JADE3: variants seen among roughly 807,000 people sequenced by gnomAD.
JADE3 encodes jade family PHD finger 3.
In JADE3, 2 loss-of-function variants were observed where a neutral mutation model predicts 50.1. That is an observed-to-expected ratio of 0.04 (90% CI 0.02 to 0.13). JADE3 has a LOEUF of 0.13. Among genes scored for constraint, JADE3 ranks in the 10% least tolerant of loss-of-function variants. JADE3 has a pLI of 1.00. For missense variants in JADE3, 475 were observed against 634.4 expected (o/e 0.75, Z 2.70); for synonymous variants, 218 against 232.9 (o/e 0.94, Z 0.58).
chrX:46,944,728 G>A (rs1234115946), intron 1 of JADE3, among the ~76,000 whole-genome samples: 1 of 111,363 alleles, frequency 9.0e-6, no homozygotes, highest in African/African-American at 3.3e-5. Flanking sequence ...TAAATGTTCT[G>A]TACACATTAA....
chrX:46,969,942 C>T (rs373390297), intron 1 of JADE3, among the ~76,000 whole-genome samples: 3 of 111,710 alleles, frequency 2.7e-5, no homozygotes, highest in Non-Finnish European at 5.6e-5. Flanking sequence ...ATCTAAGCTC[C>T]CACTTTAACT....
chrX:46,940,629 A>G (rs1006456581), intron 1 of JADE3, among the ~76,000 whole-genome samples: 7 of 109,980 alleles, frequency 6.4e-5, no homozygotes, highest in Non-Finnish European at 7.6e-5. Context: ...GGAAAGCCCA[A>G]CTCTTACCAG....
rs187731657 is a variant in JADE3 at position 46,974,337 on chromosome X, G to A, written c.-11-10547G>A. ...GGAGAATTGCTTGAACCTGGGAGGC[G>A]GAGGTTGCAGTGAGCCAAGATCGCG... On this transcript the variant is annotated intron_variant, in intron 1 of 10. Transcript: ENST00000614628. Among the ~76,000 whole-genome samples the A allele has an allele frequency of 4.0e-3, 439 of 110,877 alleles. 1 individual carries two copies. The highest frequency in any genetic ancestry group is 0.024 in the South Asian group (63 of 2,597).
At chrX:46,932,203 A>G (rs1187094288) in intron 1 of JADE3, among the ~76,000 whole-genome samples, 4 of 112,123 alleles carry the variant, frequency 3.6e-5, no homozygotes, top group African/African-American at 1.3e-4. Flanking sequence ...GTACTGGAGC[A>G]TTGGCTGACG....
intron 6 of JADE3, among the ~76,000 whole-genome samples, chrX:47,028,888 A>G (rs1046767300): frequency 1.2e-4 from 13 of 111,330 alleles, no homozygotes; most frequent in East Asian, 2.8e-4. Context: ...GCCTCCTCCT[A>G]TGTCCCAGCT....
At position 47,027,955 on chromosome X, in the gene JADE3, A is replaced by G. The variant is rs1556365903; in HGVS notation, c.539A>G (p.His180Arg). 8.3e-7 allele frequency: 1 copy of G among 1,210,085 alleles called. No individual in the cohort carries two copies. The highest frequency in any genetic ancestry group is 1.1e-6 in the Non-Finnish European group (1 of 894,169). Residue 180 changes from histidine to arginine, a missense_variant, in exon 6 of 11, where the codon CAT (histidine) becomes CGT (arginine). His to Arg is a conservative substitution (Grantham distance 29). This residue lies in a region of JADE3 where 54 missense variants were observed against 156.2 expected (regional missense o/e 0.35). Coordinates refer to ENST00000614628, the MANE Select transcript of JADE3 (RefSeq NM_014735.5). The stretch of plus-strand genomic sequence containing the variant: ...GTAGAAGTCCTGGAACGCCATTGCC[A>G]TGAAAATATGAACCATGCTATTGAG... Reference protein sequence around the residue: ...KTVEVLERHCHENMNHAIETE... With the variant: ...KTVEVLERHCRENMNHAIETE...
chrX:47,013,539 T>C (rs1384376455), intron 4 of JADE3, among the ~76,000 whole-genome samples: 1 of 112,243 alleles, frequency 8.9e-6, no homozygotes, highest in African/African-American at 3.2e-5. Context: ...TTGTAAGCAA[T>C]GATACCAGCC....
At position 47,060,620 on chromosome X, in the gene JADE3, T is replaced by C. The variant is rs1929754812; in HGVS notation, c.*1543T>C. 1 of 112,281 alleles carries C rather than the reference T, an allele frequency of 8.9e-6. No homozygotes were observed. Among genetic ancestry groups the C allele is most frequent in the South Asian group, 3.7e-4 (1 of 2,719 alleles). 9.3% of individuals were successfully genotyped at this position (112,281 alleles called of 1,213,427 possible). On this transcript the variant is annotated 3_prime_UTR_variant, in exon 11 of 11. Coordinates refer to ENST00000614628, the MANE Select transcript of JADE3 (RefSeq NM_014735.5). ...AAAATGTATGTGTTTTGCCTCTCTT[T>C]TGGCTACATCTTCAAAATATTTCTT...
rs781893262 is a variant in JADE3, at chrX:47,058,694, C to G, written c.2089C>G (p.His697Asp). The change falls in exon 11 of 11, where the codon CAC (histidine) becomes GAC (aspartate). Residue 697 changes from histidine to aspartate, a missense_variant. Around this residue, in one of 6 missense-constraint regions of JADE3, gnomAD observed 243 missense variants for 238.2 expected, o/e 1.02. Coordinates refer to ENST00000614628, the MANE Select transcript of JADE3 (RefSeq NM_014735.5). ...TGACCAGGAGCCTGTGTTCAGCCCCCACTTGGTCAGTCAGGGCAGCTTTAG... is the reference window on the plus strand; with the variant it reads ...TGACCAGGAGCCTGTGTTCAGCCCCGACTTGGTCAGTCAGGGCAGCTTTAG... ...FCDQEPVFSP[H>D]LVSQGSFRKS... The G allele has an allele frequency of 3.3e-6, 4 of 1,211,443 alleles. No homozygotes were observed. The highest frequency in any genetic ancestry group is 4.3e-5 in the Admixed American group (2 of 46,017).
rs146251745 is a variant in JADE3 at position 46,943,047 on chromosome X, T to C, written c.-12+30328T>C. On this transcript the variant is annotated intron_variant, in intron 1 of 10. Coordinates refer to ENST00000614628, the MANE Select transcript of JADE3 (RefSeq NM_014735.5). ...TAGAAATGCTACTGATTTTCATATA[T>C]TGATTATCCTAAAACTTTACTGAAT... Among the ~76,000 whole-genome samples, 1,022 of 112,657 alleles carry C rather than the reference T, an allele frequency of 9.1e-3. 12 individuals carry two copies. Among genetic ancestry groups the C allele is most frequent in the African/African-American group, 0.031 (967 of 31,063 alleles).
intron 7 of JADE3, among the ~76,000 whole-genome samples, chrX:47,037,216 G>T (rs1929153726): frequency 9.0e-6 from 1 of 110,876 alleles, no homozygotes; most frequent in African/African-American, 3.3e-5. Flanking sequence ...GTAAGCTCAT[G>T]ATAGTTATGT....
chrX:46,921,920 CTT>C (rs60470575), intron 1 of JADE3, among the ~76,000 whole-genome samples: 23 of 98,570 alleles, frequency 2.3e-4, no homozygotes, highest in Admixed American at 6.7e-4. Flanking sequence ...TGCTGTAATC[CTT>C]TTTTTTTTTT....
intron 1 of JADE3, among the ~76,000 whole-genome samples, chrX:46,925,559 C>T (rs1175551201): frequency 1.8e-5 from 2 of 111,852 alleles, no homozygotes. Flanking sequence ...CAGTGGCTCA[C>T]GCCTGTCATC....
At chrX:46,919,333 C>T (rs1370399196) in intron 1 of JADE3, among the ~76,000 whole-genome samples, 4 of 111,927 alleles carry the variant, frequency 3.6e-5, no homozygotes, top group African/African-American at 6.5e-5. Flanking sequence ...GCCAAAAGAC[C>T]GTTATTTGGG....
intron 3 of JADE3, among the ~76,000 whole-genome samples, chrX:46,995,325 G>A (rs185565730): frequency 9.8e-4 from 109 of 111,290 alleles, no homozygotes; most frequent in African/African-American, 3.3e-3. Context: ...CACCACGCCT[G>A]GCCTAAGATT....
chrX:46,978,427 C>A (rs182682086), intron 1 of JADE3, among the ~76,000 whole-genome samples: 2 of 111,046 alleles, frequency 1.8e-5, no homozygotes, highest in Non-Finnish European at 3.8e-5. Context: ...GAAGCTTCAT[C>A]GAGGACATCC....
At chrX:46,966,113 A>G (rs1220638227) in intron 1 of JADE3, among the ~76,000 whole-genome samples, 2 of 112,077 alleles carry the variant, frequency 1.8e-5, no homozygotes, top group African/African-American at 6.5e-5. Flanking sequence ...GACAGGGCTT[A>G]ATAATTGATT....
At chrX:47,050,114 AT>A (rs1929472591) in intron 8 of JADE3, among the ~76,000 whole-genome samples, 1 of 107,554 alleles carries the variant, frequency 9.3e-6, no homozygotes, top group Admixed American at 1.0e-4. Context: ...TTTTATTTTT[AT>A]TAGAGACGAG....
intron 1 of JADE3, among the ~76,000 whole-genome samples, chrX:46,978,236 G>A (rs1556352043): frequency 8.9e-6 from 1 of 111,918 alleles, no homozygotes; most frequent in Non-Finnish European, 1.9e-5. Flanking sequence ...AAAAATCTCA[G>A]TGTTTAAAGA....
Sources: gnomAD v4.1 joint callset for allele counts (sites outside exome capture counted in the v4.1 genomes callset) on GRCh38, gnomAD v4.1.1 for gene constraint, gnomAD v4.1.1 regional missense constraint, MANE v1.5 for transcripts, NCBI Gene and HGNC (gene_info 2026-07-23, HGNC 2026-07-21) for gene names.